Variants in WDPCP observed in about 807,000 individuals in gnomAD.
WDPCP encodes the protein WD repeat containing planar cell polarity effector, also known as WD repeat-containing and planar cell polarity effector protein fritz homolog.
WDPCP carries 71 observed loss-of-function variants against 93.1 expected under a neutral mutation model. That is an observed-to-expected ratio of 0.76 (90% CI 0.63 to 0.93). The LOEUF is 0.93. Among genes scored for constraint, WDPCP ranks in the 40% least tolerant of loss-of-function variants. WDPCP has a pLI of 0.00. For synonymous variants in WDPCP, 315 were observed against 315.0 expected (o/e 1.00, Z 0.00); for missense variants, 844 against 887.4 (o/e 0.95, Z 0.62).
chr2:63,588,203 C>G lies in WDPCP; in HGVS notation c.69G>C (p.Pro23=). ...CCCTCGGGCCAGGGCTCACCTGTCTCGGGAGTGGGGAAGAAGCGCGACTCC... is the reference window on the plus strand; with the variant it reads ...CCCTCGGGCCAGGGCTCACCTGTCTGGGGAGTGGGGAAGAAGCGCGACTCC... The part of the protein sequence containing the change: ...AAGSRASSPL[P]RQDRDSFCHQ... Residue 23 remains proline (P), a synonymous_variant, in exon 1 of 18, where the codon CCG becomes CCC. Coordinates refer to ENST00000272321, the MANE Select transcript of WDPCP (RefSeq NM_015910.7). 1.3e-6 allele frequency: 2 copies of G among 1,568,184 alleles called. No individual in the cohort carries two copies. The highest frequency in any genetic ancestry group is 1.7e-6 in the Non-Finnish European group (2 of 1,154,314).
chr2:63,535,491 T>C (rs1315875284), intron 1 of WDPCP, among the ~76,000 whole-genome samples: 5 of 152,282 alleles, frequency 3.3e-5, no homozygotes, highest in South Asian at 4.1e-4. Context: ...CAAAACAGCA[T>C]GGTACTGGTA....
At chr2:63,641,155 C>G (rs959637166) in intron 3 of WDPCP, among the ~76,000 whole-genome samples, 2 of 152,110 alleles carry the variant, frequency 1.3e-5, no homozygotes, top group Non-Finnish European at 2.9e-5. Context: ...GGATTTCATT[C>G]TTTTTATAGC....
At chr2:63,752,659 C>T in intron 2 of WDPCP, 1 of 440,252 alleles carries the variant, frequency 2.3e-6, no homozygotes, top group Non-Finnish European at 4.1e-6. Flanking sequence ...TTTAGCAACT[C>T]TTCCTTGGTA....
intron 3 of WDPCP, among the ~76,000 whole-genome samples, chr2:63,612,859 T>G (rs1453206097): frequency 6.6e-6 from 1 of 152,116 alleles, no homozygotes; most frequent in African/African-American, 2.4e-5. Flanking sequence ...GGCTAGGACC[T>G]AGGCAGGTAG....
intron 1 of WDPCP, among the ~76,000 whole-genome samples, chr2:63,572,394 T>C (rs1449308462): frequency 6.6e-6 from 1 of 152,008 alleles, no homozygotes; most frequent in Non-Finnish European, 1.5e-5. Context: ...TTCTAATATG[T>C]TGTTATTAAT....
chr2:63,239,919 T>C (rs984254504), intron 14 of WDPCP, among the ~76,000 whole-genome samples: 3 of 152,206 alleles, frequency 2.0e-5, no homozygotes, highest in Non-Finnish European at 2.9e-5. Flanking sequence ...TGGGTTTGTT[T>C]GTACTATTAA....
intron 14 of WDPCP, among the ~76,000 whole-genome samples, chr2:63,240,845 C>T (rs557591526): frequency 6.6e-6 from 1 of 152,170 alleles, no homozygotes; most frequent in Admixed American, 6.6e-5. Flanking sequence ...TACCTTTCTC[C>T]ACAGGAAAAG....
Position 63,522,922 on chromosome 2 carries a change from A to G in WDPCP, c.76-29982T>C, listed in dbSNP as rs1176675293. Among the ~76,000 whole-genome samples the G allele has an allele frequency of 4.6e-5, 7 of 152,200 alleles. 1 individual carries two copies. In the East Asian group the frequency reaches 1.3e-3, roughly 29 times the overall value. On this transcript the variant is annotated intron_variant, in intron 1 of 17. Coordinates refer to ENST00000272321, the MANE Select transcript of WDPCP (RefSeq NM_015910.7). ...TACCATTCCTTCTGAAATTTCTCCAAAAACTGAGAAGGGATTCTTCTTTAA... is the reference window on the plus strand; with the variant it reads ...TACCATTCCTTCTGAAATTTCTCCAGAAACTGAGAAGGGATTCTTCTTTAA...
In WDPCP at chr2:63,790,448, C is replaced by T. The variant is rs1030829861; in HGVS notation, n.308+23174G>A. Among the ~76,000 whole-genome samples the T allele has an allele frequency of 2.0e-5, 3 of 152,184 alleles. No homozygotes were observed. In the East Asian group the frequency reaches 5.8e-4, roughly 29 times the overall value. On this transcript the variant is annotated intron_variant and non_coding_transcript_variant, in intron 2 of 4. Coordinates refer to the WDPCP transcript ENST00000467687. ...AACTAAACTGAAGCACAAGCAGGTG[C>T]ACAAGTGGATCTTGGAGGATGAGAC... is the stretch of plus-strand genomic sequence containing the variant.
intron 9 of WDPCP, among the ~76,000 whole-genome samples, chr2:63,413,841 T>C (rs1187108114): frequency 6.6e-6 from 1 of 151,894 alleles, no homozygotes; most frequent in South Asian, 2.1e-4. Flanking sequence ...GGGACTTAAT[T>C]AAACTAAAGA....
intron 2 of WDPCP, among the ~76,000 whole-genome samples, chr2:63,715,230 A>G (rs1669320489): frequency 6.6e-6 from 1 of 152,230 alleles, no homozygotes; most frequent in Non-Finnish European, 1.5e-5. Flanking sequence ...AATATTGTGA[A>G]TATACTAAAT....
intron 2 of WDPCP, among the ~76,000 whole-genome samples, chr2:63,651,384 G>A (rs1359556919): frequency 1.3e-5 from 2 of 152,068 alleles, no homozygotes; most frequent in Admixed American, 6.5e-5. Flanking sequence ...CTGGTCTAGA[G>A]ATGTCAGAAA....
At chr2:63,735,194 C>T (rs1248164259) in intron 2 of WDPCP, among the ~76,000 whole-genome samples, 1 of 152,028 alleles carries the variant, frequency 6.6e-6, no homozygotes, top group East Asian at 1.9e-4. Context: ...GAAGTGATAG[C>T]TCCTATGATA....
At chr2:63,359,693 G>A (rs1456979068) in intron 12 of WDPCP, 1 of 152,132 alleles carries the variant, frequency 6.6e-6, no homozygotes, top group Non-Finnish European at 1.5e-5. Context: ...ACAAAAACCT[G>A]TACATGAATG....
chr2:63,310,482 C>A (rs1686101819), intron 13 of WDPCP, among the ~76,000 whole-genome samples: 1 of 151,910 alleles, frequency 6.6e-6, no homozygotes. Context: ...CTGTGACCTG[C>A]CATCCAAGTC....
At chr2:63,634,508 TA>T (rs1709901712) in intron 3 of WDPCP, among the ~76,000 whole-genome samples, 1 of 152,218 alleles carries the variant, frequency 6.6e-6, no homozygotes, top group Non-Finnish European at 1.5e-5. Flanking sequence ...AACTACAATT[TA>T]GATCAAATGT....
chr2:63,755,923 C>T (rs557489310), intron 2 of WDPCP, among the ~76,000 whole-genome samples: 5 of 152,306 alleles, frequency 3.3e-5, no homozygotes, highest in African/African-American at 1.2e-4. Context: ...TATGCACTGA[C>T]TTAGGTCAGA....
At chr2:63,371,450 G>A (rs1049895741) in intron 12 of WDPCP, among the ~76,000 whole-genome samples, 7 of 151,942 alleles carry the variant, frequency 4.6e-5, no homozygotes, top group African/African-American at 1.4e-4. Flanking sequence ...ATCATCTATT[G>A]AGTTCCCCTA....
chr2:63,430,299 C>T (rs1333824145), intron 9 of WDPCP, among the ~76,000 whole-genome samples: 1 of 152,012 alleles, frequency 6.6e-6, no homozygotes, highest in Non-Finnish European at 1.5e-5. Context: ...GTGATGGTTT[C>T]GATCATACCC....
Sources: gnomAD v4.1 joint callset for allele counts (sites outside exome capture counted in the v4.1 genomes callset) on GRCh38, gnomAD v4.1.1 for gene constraint, MANE v1.5 for transcripts, NCBI Gene and HGNC (gene_info 2026-07-23, HGNC 2026-07-21) for gene names.